Variants in CDKN2B-AS1 observed in about 807,000 individuals in gnomAD.
The protein encoded by CDKN2B-AS1 is CDKN2B and CDKN2A antisense cis and trans regulatory RNA 1.
intron 1 of CDKN2B-AS1, among the ~76,000 whole-genome samples, chr9:21,998,892 AAC>A (rs3218008): frequency 0.14 from 20,998 of 152,188 alleles, 1,686 homozygotes; most frequent in African/African-American, 0.23. Context: ...AAGAATAAAA[AAC>A]AATTATTTGA....
At chr9:22,019,758 T>C (rs1356320477) in intron 1 of CDKN2B-AS1, among the ~76,000 whole-genome samples, 1 of 152,200 alleles carries the variant, frequency 6.6e-6, no homozygotes, top group Non-Finnish European at 1.5e-5. Context: ...CATTTGAGTA[T>C]AGAAAATTAG....
At chr9:22,038,148 T>C (rs1202686264) in intron 1 of CDKN2B-AS1, among the ~76,000 whole-genome samples, 1 of 151,900 alleles carries the variant, frequency 6.6e-6, no homozygotes, top group Non-Finnish European at 1.5e-5. Context: ...TGGGAGAAAA[T>C]ACTTTTATAT....
chr9:22,113,473 A>T (rs1210854503), intron 4 of CDKN2B-AS1, among the ~76,000 whole-genome samples: 1 of 152,234 alleles, frequency 6.6e-6, no homozygotes, highest in Non-Finnish European at 1.5e-5. Flanking sequence ...ACTATGCTAT[A>T]TAACATAGCC....
intron 3 of CDKN2B-AS1, among the ~76,000 whole-genome samples, chr9:22,051,185 C>A (rs1823328892): frequency 6.6e-6 from 1 of 152,046 alleles, no homozygotes; most frequent in Admixed American, 6.6e-5. Context: ...TAAGGGGCCC[C>A]CTGAGCTGAA....
chr9:22,124,050 C>T (rs921079616), intron 4 of CDKN2B-AS1, among the ~76,000 whole-genome samples: 1 of 152,110 alleles, frequency 6.6e-6, no homozygotes, highest in Non-Finnish European at 1.5e-5. Context: ...ATACACCAAA[C>T]TGATGAATAT....
chr9:22,081,883 G>A (rs1824710563), intron 4 of CDKN2B-AS1, among the ~76,000 whole-genome samples: 1 of 152,198 alleles, frequency 6.6e-6, no homozygotes, highest in Non-Finnish European at 1.5e-5. Context: ...GGGTTGTTGT[G>A]TTCTACAAAT....
chr9:22,092,470 G>C (rs1825125667), intron 4 of CDKN2B-AS1: 1 of 152,042 alleles, frequency 6.6e-6, no homozygotes, highest in South Asian at 2.1e-4. Flanking sequence ...TTTTTGGTTG[G>C]TAAGCTATTA....
chr9:22,047,196 C>G (rs781601696), intron 2 of CDKN2B-AS1, among the ~76,000 whole-genome samples: 2 of 152,096 alleles, frequency 1.3e-5, no homozygotes, highest in Non-Finnish European at 1.5e-5. Context: ...TTTTTCTTTT[C>G]TCCTCTTTAT....
At chr9:22,080,330 G>A (rs1036040265) in intron 4 of CDKN2B-AS1, among the ~76,000 whole-genome samples, 5 of 152,238 alleles carry the variant, frequency 3.3e-5, no homozygotes, top group South Asian at 2.1e-4. Context: ...CACTAGAAGA[G>A]AGTAACAAGG....
chr9:22,100,103 T>C (rs375098753), intron 4 of CDKN2B-AS1, among the ~76,000 whole-genome samples: 5 of 152,176 alleles, frequency 3.3e-5, no homozygotes, highest in African/African-American at 1.2e-4. Context: ...GATAGTATTT[T>C]ATTGACTATA....
intron 4 of CDKN2B-AS1, among the ~76,000 whole-genome samples, chr9:22,125,403 A>T (rs1587558678): frequency 6.6e-6 from 1 of 152,260 alleles, no homozygotes; most frequent in Non-Finnish European, 1.5e-5. Flanking sequence ...TCTGCTTCAT[A>T]TTCCAACTTG....
intron 1 of CDKN2B-AS1, among the ~76,000 whole-genome samples, chr9:22,013,333 CT>C: frequency 6.6e-6 from 1 of 152,280 alleles, no homozygotes; most frequent in East Asian, 1.9e-4. Context: ...ACACATTTTA[CT>C]TTTCATTTCT....
At chr9:22,113,639 A>G (rs1412468899) in intron 4 of CDKN2B-AS1, 1 of 152,148 alleles carries the variant, frequency 6.6e-6, no homozygotes, top group African/African-American at 2.4e-5. Flanking sequence ...GTGAGTTTTA[A>G]TGCTCTTTGC....
At chr9:22,102,153 T>C (rs1825507774) in intron 4 of CDKN2B-AS1, among the ~76,000 whole-genome samples, 1 of 152,226 alleles carries the variant, frequency 6.6e-6, no homozygotes. Flanking sequence ...GTAACTGAGA[T>C]GCATCTGAAT....
At position 22,099,498 on chromosome 9, in the gene CDKN2B-AS1, C is replaced by T. The variant is rs144537905; in HGVS notation, n.439-27605C>T. Reference sequence around the variant, plus strand: ...TTTCTTGTTTTTAGATGCACATATACGTACTTTTTTAGCTGGTCATTTCTT... The same window carrying T: ...TTTCTTGTTTTTAGATGCACATATATGTACTTTTTTAGCTGGTCATTTCTT... On this transcript the variant is annotated intron_variant and non_coding_transcript_variant, in intron 4 of 4. Transcript: ENST00000650946. Among the ~76,000 whole-genome samples the T allele has an allele frequency of 8.5e-5, 13 of 152,216 alleles. No homozygotes were observed. In the East Asian group the frequency reaches 1.4e-3, roughly 16 times the overall value.
At chr9:22,118,925 G>C (rs1474036415) in intron 4 of CDKN2B-AS1, 1 of 152,180 alleles carries the variant, frequency 6.6e-6, no homozygotes, top group Non-Finnish European at 1.5e-5. Context: ...GATTAAAGAA[G>C]AAAGTTCTTA....
chr9:22,034,999 G>A (rs1822630641), intron 1 of CDKN2B-AS1, among the ~76,000 whole-genome samples: 2 of 152,132 alleles, frequency 1.3e-5, no homozygotes, highest in African/African-American at 4.8e-5. Flanking sequence ...TTTCTCATAT[G>A]TAAAATGGGG....
intron 1 of CDKN2B-AS1, among the ~76,000 whole-genome samples, chr9:22,002,642 CA>C (rs1820973820): frequency 6.6e-6 from 1 of 151,946 alleles, no homozygotes; most frequent in Admixed American, 6.6e-5. Flanking sequence ...TGGTGCTGGT[CA>C]CAATATTGTG....
intron 1 of CDKN2B-AS1, chr9:22,004,369 C>A (rs377277689): frequency 3.0e-5 from 7 of 231,946 alleles, no homozygotes; most frequent in African/African-American, 8.8e-5. Flanking sequence ...CATTTAGAAG[C>A]ATAATACATG....
Sources: gnomAD v4.1 joint callset for allele counts (sites outside exome capture counted in the v4.1 genomes callset) on GRCh38, gnomAD v4.1.1 for gene constraint, MANE v1.5 for transcripts, NCBI Gene and HGNC (gene_info 2026-07-23, HGNC 2026-07-21) for gene names.